The following RPS24 variants were observed in gnomAD, a reference collection of about 807,000 sequenced individuals.
RPS24 encodes ribosomal protein S24.
For missense variants in RPS24, 100 were observed against 162.5 expected (o/e 0.62, Z 2.09); for synonymous variants, 72 against 55.6 (o/e 1.30, Z -1.31).
At chr10:78,036,103 C>T (rs1477516025) in intron 3 of RPS24, 3 of 332,718 alleles carry the variant, frequency 9.0e-6, no homozygotes, top group South Asian at 5.0e-5. Flanking sequence ...TGATTGTATA[C>T]TGAGTGTCAA....
intron 3 of RPS24, chr10:78,036,344 C>T: frequency 6.3e-6 from 1 of 158,062 alleles, no homozygotes; most frequent in East Asian, 1.9e-4. Flanking sequence ...GCTCTGTCGC[C>T]CAGGCTGGAG....
At chr10:78,037,484 C>G (rs1847897640) in intron 4 of RPS24, 180 bp downstream of exon 4, 1 of 1,031,926 alleles carries the variant, frequency 9.7e-7, no homozygotes, top group Admixed American at 3.0e-5. Flanking sequence ...GTCTTAACAC[C>G]TCAGTAAAGT....
At chr10:78,040,116 CA>C in intron 4 of RPS24, 87 bp from the exon 5 acceptor site, 3 of 1,267,934 alleles carry the variant, frequency 2.4e-6, no homozygotes, top group Non-Finnish European at 1.2e-6. Context: ...CACTTAAATG[CA>C]GATTATTTTG....
intron 4 of RPS24, among the ~76,000 whole-genome samples, chr10:78,048,178 G>A (rs1848064475): frequency 6.6e-6 from 1 of 152,202 alleles, no homozygotes; most frequent in Non-Finnish European, 1.5e-5. Context: ...CATTTCCAGG[G>A]ATATGGTGCA....
downstream of RPS24, among the ~76,000 whole-genome samples, chr10:78,044,751 C>T (rs769576216): frequency 2.7e-5 from 4 of 149,012 alleles, no homozygotes; most frequent in Non-Finnish European, 3.0e-5. Flanking sequence ...GAGAGGTCAG[C>T]GGAGAATAAA....
chr10:78,054,577 A>G (rs1328672981), exon 5 of RPS24: 13 of 1,548,126 alleles, frequency 8.4e-6, no homozygotes, highest in African/African-American at 1.4e-5. Flanking sequence ...AGAATTTCCC[A>G]GGAAGAGAGA....
chr10:78,041,488 G>A (rs949993461), downstream of RPS24, among the ~76,000 whole-genome samples: 2 of 152,192 alleles, frequency 1.3e-5, no homozygotes, highest in African/African-American at 2.4e-5. Flanking sequence ...CTACTACTTT[G>A]CTAGGACCAG....
intron 4 of RPS24, chr10:78,054,398 C>T (rs556743626): frequency 3.5e-6 from 3 of 845,370 alleles, no homozygotes; most frequent in African/African-American, 3.4e-5. Context: ...CAAGCTTTGG[C>T]TCTGACTGCT....
At chr10:78,056,668 T>G (rs1392109377) in exon 5 of RPS24, 1 of 152,322 alleles carries the variant, frequency 6.6e-6, no homozygotes, top group East Asian at 1.9e-4. Flanking sequence ...GAAGCCACCC[T>G]GACGACACAG....
downstream of RPS24, among the ~76,000 whole-genome samples, chr10:78,043,612 C>T (rs1848010843): frequency 6.6e-6 from 1 of 152,176 alleles, no homozygotes; most frequent in South Asian, 2.1e-4. Context: ...CCCTGTTCTG[C>T]AAGTTGGGGA....
intron 4 of RPS24, among the ~76,000 whole-genome samples, chr10:78,045,719 TGCTG>T (rs1472668888): frequency 6.6e-6 from 1 of 151,260 alleles, no homozygotes; most frequent in Non-Finnish European, 1.5e-5. Context: ...AAAATACAAA[TGCTG>T]GCTGGGTGTG....
At chr10:78,046,346 C>T (rs1053605360) in intron 4 of RPS24, among the ~76,000 whole-genome samples, 21 of 126,140 alleles carry the variant, frequency 1.7e-4, no homozygotes, top group African/African-American at 6.8e-4. Flanking sequence ...TCTCATTTAC[C>T]TTTTTTTTTT....
chr10:78,039,305 ATTGT>A (rs1456434486), intron 4 of RPS24: 1 of 152,196 alleles, frequency 6.6e-6, no homozygotes, highest in Non-Finnish European at 1.5e-5. Context: ...TAACACATTG[ATTGT>A]TCTCTTCATC....
intron 3 of RPS24, among the ~76,000 whole-genome samples, 180 bp from the exon 4 acceptor site, chr10:78,037,014 A>G (rs1175034616): frequency 3.9e-5 from 6 of 152,222 alleles, no homozygotes; most frequent in African/African-American, 2.4e-5. Context: ...GCTATTCCAT[A>G]CCTAAAATCC....
chr10:78,040,852 G>A (rs956525040), downstream of RPS24: 2 of 617,142 alleles, frequency 3.2e-6, no homozygotes, highest in Admixed American at 5.7e-5. Flanking sequence ...TTGGTTTATA[G>A]CTTAGGTGGG....
Position 78,046,260 on chromosome 10 carries a change from T to G in RPS24, c.391-8271T>G, listed in dbSNP as rs1044968300. Among the ~76,000 whole-genome samples, 132 of 151,984 alleles carry G rather than the reference T, an allele frequency of 8.7e-4. 3 individuals are homozygous for G. The highest frequency in any genetic ancestry group is 1.0e-4 in the Non-Finnish European group (7 of 68,002). ...GGCAGATGAACAGTAATACTATTGCTAATTAATGACCACAGAATAGCTAAC... is the reference window on the plus strand; with the variant it reads ...GGCAGATGAACAGTAATACTATTGCGAATTAATGACCACAGAATAGCTAAC... On this transcript the variant is annotated intron_variant, in intron 4 of 4. Coordinates refer to the RPS24 transcript ENST00000440692.
At chr10:78,047,801 T>C (rs145306362) in intron 4 of RPS24, among the ~76,000 whole-genome samples, 1 of 152,346 alleles carries the variant, frequency 6.6e-6, no homozygotes, top group African/African-American at 2.4e-5. Flanking sequence ...GGCCGAAGGC[T>C]GGGAACCCCA....
intron 4 of RPS24, chr10:78,037,682 G>C: frequency 3.0e-6 from 1 of 331,738 alleles, no homozygotes; most frequent in Admixed American, 4.5e-5. Context: ...ACTGGTTTAA[G>C]AAGCAGTTGG....
downstream of RPS24, among the ~76,000 whole-genome samples, chr10:78,044,009 A>C (rs1042952846): frequency 6.6e-6 from 1 of 152,182 alleles, no homozygotes; most frequent in African/African-American, 2.4e-5. Context: ...GAATGTGAAT[A>C]CATGTACGTA....
Sources: allele counts gnomAD v4.1 joint callset (sites outside exome capture counted in the v4.1 genomes callset), GRCh38; gene constraint gnomAD v4.1.1; transcripts MANE v1.5; gene names NCBI Gene and HGNC (gene_info 2026-07-23, HGNC 2026-07-21).